Variants in NFIB observed in about 807,000 individuals in gnomAD.
The protein encoded by NFIB is nuclear factor 1 B-type.
In NFIB, 11 loss-of-function variants were observed where a neutral mutation model predicts 61.5. The observed-to-expected ratio is 0.18, with a 90% CI of 0.11 to 0.30. NFIB has a LOEUF of 0.30. Ranked by LOEUF, NFIB falls within the 10% of genes least tolerant of loss-of-function variation. NFIB has a pLI of 1.00. For synonymous variants in NFIB, 260 were observed against 216.5 expected, an observed-to-expected ratio of 1.20 and a Z score of -1.76; for missense variants, 471 against 608.9, an observed-to-expected ratio of 0.77 and a Z score of 2.38.
At chr9:14,266,063 A>G (rs1395277975) in intron 2 of NFIB, among the ~76,000 whole-genome samples, 1 of 152,088 alleles carries the variant, frequency 6.6e-6, no homozygotes, top group Non-Finnish European at 1.5e-5. Flanking sequence ...TGAGGGCTGA[A>G]AGATGTGGGT....
At position 14,314,052 on chromosome 9, in the gene NFIB, A is replaced by T; in HGVS notation, c.-541T>A. Reference sequence around the variant, plus strand: ...AAAGTTCAAGGTTACAGCCCCAAGCACTGCGGCAGGATCCCGGAGTGGTGA... The same window carrying T: ...AAAGTTCAAGGTTACAGCCCCAAGCTCTGCGGCAGGATCCCGGAGTGGTGA... On this transcript the variant is annotated 5_prime_UTR_variant, in exon 1 of 11. Coordinates refer to ENST00000380953, the MANE Select transcript of NFIB (RefSeq NM_001190737.2). 9.4e-7 allele frequency: 1 copy of T among 1,064,364 alleles called. No individual in the cohort carries two copies. The highest frequency in any genetic ancestry group is 1.1e-6 in the Non-Finnish European group (1 of 879,220). The allele number at this position is 1,064,364 out of a possible 1,614,324, so 65.9% of individuals were successfully genotyped here. A position where few individuals can be genotyped will look rare whatever the true frequency, so the allele number is the denominator to read the frequency against.
In NFIB at chr9:14,313,377, G is replaced by C. The variant is rs2060383368; in HGVS notation, c.30+105C>G. 5 of 1,523,374 alleles carry C rather than the reference G, an allele frequency of 3.3e-6. No homozygotes were observed. Among genetic ancestry groups the C allele is most frequent in the Admixed American group, 3.5e-5 (2 of 57,904 alleles). 94.4% of individuals were successfully genotyped at this position (1,523,374 alleles called of 1,614,324 possible). ...ACTCCGGGCCACTTCTCCAAGGGAC[G>C]GGGATGTGCGGAGGTTAACTCAAGC... On this transcript the variant is annotated intron_variant, in intron 1 of 10. Transcript: ENST00000380953. This position sits in a 1 kb window ranked among gnomAD's most constrained non-coding sequence, Gnocchi z 4.5.
chr9:14,146,340 C>T lies in NFIB; in HGVS notation c.925+349G>A, dbSNP rs75488567. Among the ~76,000 whole-genome samples, 552 of 152,252 alleles carry T rather than the reference C, an allele frequency of 3.6e-3. 5 individuals are homozygous for T. The highest frequency in any genetic ancestry group is 0.013 in the African/African-American group (534 of 41,558). On this transcript the variant is annotated intron_variant, in intron 6 of 10. Transcript: ENST00000380953. Reference sequence around the variant, plus strand: ...GCTTAAAGTTTGGCTCCCTGCAACGCTCCATAGAGAGGAGCAGGCGGATCT... The same window carrying T: ...GCTTAAAGTTTGGCTCCCTGCAACGTTCCATAGAGAGGAGCAGGCGGATCT...
chr9:14,289,969 C>A (rs1374759306), intron 2 of NFIB, among the ~76,000 whole-genome samples: 1 of 152,020 alleles, frequency 6.6e-6, no homozygotes, highest in Admixed American at 6.6e-5. Flanking sequence ...CTTGAACACT[C>A]CCCGCTAGGC....
intron 2 of NFIB, among the ~76,000 whole-genome samples, chr9:14,283,121 G>T (rs1277167630): frequency 6.6e-6 from 1 of 152,150 alleles, no homozygotes; most frequent in African/African-American, 2.4e-5. Flanking sequence ...CAAATCCAGA[G>T]ATTAACATTT....
At chr9:14,125,014 G>A (rs1051281250) in intron 7 of NFIB, among the ~76,000 whole-genome samples, 3 of 152,024 alleles carry the variant, frequency 2.0e-5, no homozygotes, top group Admixed American at 2.0e-4. Context: ...CTTTCCCTTA[G>A]TAAAATATCA....
intron 3 of NFIB, among the ~76,000 whole-genome samples, chr9:14,179,168 T>C (rs2046480411): frequency 6.6e-6 from 1 of 152,092 alleles, no homozygotes; most frequent in South Asian, 2.1e-4. Flanking sequence ...CTGGAACAAC[T>C]TCTGAAAACA....
chr9:14,105,719 A>C (rs929397501), intron 10 of NFIB, among the ~76,000 whole-genome samples: 1 of 152,196 alleles, frequency 6.6e-6, no homozygotes, highest in Admixed American at 6.5e-5. Flanking sequence ...TATTTGACCA[A>C]GATATTCCTG....
At chr9:14,450,644 A>G in the NFIB span, among the ~76,000 whole-genome samples, 1 of 151,728 alleles carries the variant, frequency 6.6e-6, no homozygotes, top group African/African-American at 2.4e-5. Context: ...ATGTTACAGC[A>G]CCCCTCCCCC....
the NFIB span, among the ~76,000 whole-genome samples, chr9:14,431,631 TTG>T: frequency 1.5e-5 from 2 of 137,288 alleles, no homozygotes; most frequent in Admixed American, 6.9e-5. Flanking sequence ...ATTTTTTGTT[TTG>T]TTTTTTTTTT....
At chr9:14,161,649 A>C (rs573175858) in intron 3 of NFIB, among the ~76,000 whole-genome samples, 85 of 152,164 alleles carry the variant, frequency 5.6e-4, no homozygotes, top group African/African-American at 2.0e-3. Flanking sequence ...TGGCTGTATC[A>C]TACTTTATAT....
rs192363847 is a variant in NFIB at position 14,227,123 on chromosome 9, G to A, written c.563-47343C>T. Among the ~76,000 whole-genome samples the A allele has an allele frequency of 4.3e-3, 595 of 138,154 alleles. 4 individuals are homozygous for A. The highest frequency in any genetic ancestry group is 0.016 in the South Asian group (70 of 4,472). The allele number at this position is 138,154 out of a possible 152,430, so 90.6% of individuals were successfully genotyped here. On this transcript the variant is annotated intron_variant, in intron 2 of 10. Coordinates refer to ENST00000380953, the MANE Select transcript of NFIB (RefSeq NM_001190737.2). ...GCCATTGCACTCCAGCCTGGGCAAC[G>A]AGAGCAAAACTCCGTGTCAAAAAAA...
At chr9:14,229,953 A>T (rs2052912881) in intron 2 of NFIB, among the ~76,000 whole-genome samples, 1 of 152,148 alleles carries the variant, frequency 6.6e-6, no homozygotes, top group Non-Finnish European at 1.5e-5. Context: ...GGCATATGCC[A>T]CCATGTCCGG....
At chr9:14,476,194 T>C in the NFIB span, among the ~76,000 whole-genome samples, 1 of 151,742 alleles carries the variant, frequency 6.6e-6, no homozygotes, top group African/African-American at 2.4e-5. Flanking sequence ...TTCTGATTGA[T>C]TTGCAAATGA....
chr9:14,409,494 C>T, the NFIB span, among the ~76,000 whole-genome samples: 2 of 152,108 alleles, frequency 1.3e-5, no homozygotes, highest in Non-Finnish European at 2.9e-5. Context: ...CATCCTTCAC[C>T]CCTGGCCCAG....
rs746059013 is a variant in NFIB at position 14,120,548 on chromosome 9, C to T, written c.1137G>A (p.Ser379=). 8 of 1,613,796 alleles carry T rather than the reference C, an allele frequency of 5.0e-6. No homozygotes were observed. The East Asian group carries it at 8.9e-5, about 18-fold the overall frequency. ...PTQAILPPAP[S]SYFSHPTIRY... is the part of the protein sequence containing the mutation. ...TGATTGTTGGATGAGAAAAGTAGCTCGATGGGGCTGGAGGAAGGATAGCTT... is the reference window on the plus strand; with the variant it reads ...TGATTGTTGGATGAGAAAAGTAGCTTGATGGGGCTGGAGGAAGGATAGCTT... The change falls in exon 8 of 11, where the codon TCG becomes TCA. Residue 379 remains serine, a synonymous_variant. Transcript: ENST00000380953. The surrounding 1 kb of genome is among the most constrained non-coding windows in gnomAD (Gnocchi z 4.4).
At chr9:14,088,473 A>G in intron 10 of NFIB, 147 bp from the exon 11 acceptor site, 1 of 797,958 alleles carries the variant, frequency 1.3e-6, no homozygotes, top group South Asian at 3.7e-5. Context: ...TATGAGATAA[A>G]TGTGCCAAAT....
intron 2 of NFIB, among the ~76,000 whole-genome samples, chr9:14,208,190 C>G (rs2049945294): frequency 1.3e-5 from 2 of 152,024 alleles, no homozygotes; most frequent in African/African-American, 4.8e-5. Context: ...TTTTTTTAAA[C>G]TCCAGACAGG....
chr9:14,195,362 C>G (rs1412863100), intron 2 of NFIB, among the ~76,000 whole-genome samples: 1 of 152,018 alleles, frequency 6.6e-6, no homozygotes. Flanking sequence ...ATCTTATTGA[C>G]AAAATATTGT....
Sources: allele counts gnomAD v4.1 joint callset (sites outside exome capture counted in the v4.1 genomes callset), GRCh38; gene constraint gnomAD v4.1.1; non-coding constraint Gnocchi (gnomAD v3.1); transcripts MANE v1.5; gene names NCBI Gene and HGNC (gene_info 2026-07-23, HGNC 2026-07-21).